The following THEMIS variants were observed in gnomAD, a reference collection of about 807,000 sequenced individuals.
THEMIS encodes thymocyte selection associated, also known as protein THEMIS.
Under a neutral mutation model 52.6 loss-of-function variants are expected in THEMIS, and 37 were observed. That is an observed-to-expected ratio of 0.70 (90% CI 0.54 to 0.93). The LOEUF is 0.93. THEMIS is among the 40% of genes least tolerant of loss of function. The probability of loss-of-function intolerance (pLI) is 0.00; values close to 1 mark genes in which losing one functional copy is unlikely to be tolerated. For missense variants in THEMIS, 808 were observed against 763.1 expected (o/e 1.06, Z -0.69); for synonymous variants, 292 against 272.7 (o/e 1.07, Z -0.70).
At chr6:127,891,538 C>CAAAAAAAAAAAAAAAAA (rs67886431) in intron 1 of THEMIS, among the ~76,000 whole-genome samples, 11 of 96,828 alleles carry the variant, frequency 1.1e-4, no homozygotes, top group Admixed American at 1.2e-4. Flanking sequence ...TCCAGCTCAA[C>CAAAAAAAAAAAAAAAAA]AAAAAAAAAA....
the THEMIS span, among the ~76,000 whole-genome samples, chr6:127,698,109 A>T: frequency 6.6e-6 from 1 of 152,198 alleles, no homozygotes; most frequent in Non-Finnish European, 1.5e-5. Flanking sequence ...GAGAAAATTT[A>T]AAAATAGCCA....
intron 1 of THEMIS, among the ~76,000 whole-genome samples, chr6:127,911,680 C>A (rs573583859): frequency 6.6e-6 from 1 of 151,430 alleles, no homozygotes; most frequent in Non-Finnish European, 1.5e-5. Context: ...TTATTTCTAT[C>A]CTTCCACTCC....
intron 2 of THEMIS, among the ~76,000 whole-genome samples, chr6:127,832,777 CTTTTT>C (rs11355741): frequency 6.9e-5 from 4 of 57,802 alleles, no homozygotes; most frequent in East Asian, 6.2e-4. Flanking sequence ...ATTGTCAGAT[CTTTTT>C]TTTTTTTTTT....
intron 4 of THEMIS, among the ~76,000 whole-genome samples, chr6:127,750,856 A>G (rs896378893): frequency 6.6e-5 from 10 of 151,926 alleles, no homozygotes; most frequent in South Asian, 2.1e-4. Context: ...ATTGTCAGCC[A>G]AGAATATTTC....
chr6:127,803,070 AAAT>A (rs766855545), intron 4 of THEMIS, among the ~76,000 whole-genome samples: 1 of 152,182 alleles, frequency 6.6e-6, no homozygotes, highest in Non-Finnish European at 1.5e-5. Flanking sequence ...CCATATGCTA[AAAT>A]TCTCTTGAAT....
intron 1 of THEMIS, among the ~76,000 whole-genome samples, chr6:127,897,745 A>T (rs1271348609): frequency 6.6e-6 from 1 of 151,590 alleles, no homozygotes; most frequent in African/African-American, 2.4e-5. Context: ...TCCAAGGGTG[A>T]ATGTACACAC....
At chr6:127,885,720 AG>A (rs2081595161) in intron 1 of THEMIS, among the ~76,000 whole-genome samples, 1 of 151,700 alleles carries the variant, frequency 6.6e-6, no homozygotes, top group South Asian at 2.1e-4. Context: ...ACTCTGAAGA[AG>A]GGAATGACAA....
intron 4 of THEMIS, among the ~76,000 whole-genome samples, chr6:127,789,012 C>G (rs1003981592): frequency 6.6e-6 from 1 of 151,916 alleles, no homozygotes; most frequent in Non-Finnish European, 1.5e-5. Context: ...TAGCATAAGA[C>G]AAGAAATAAC....
chr6:127,818,311 A>G (rs1260417663), intron 3 of THEMIS, among the ~76,000 whole-genome samples: 3 of 152,168 alleles, frequency 2.0e-5, no homozygotes, highest in Non-Finnish European at 4.4e-5. Flanking sequence ...TCCCCCCTCC[A>G]TAACATACGA....
At chr6:127,833,652 G>A (rs1381125599) in intron 2 of THEMIS, among the ~76,000 whole-genome samples, 1 of 152,148 alleles carries the variant, frequency 6.6e-6, no homozygotes, top group African/African-American at 2.4e-5. Context: ...GCCATGGTGT[G>A]AGAAGAACAA....
At chr6:127,851,150 G>C (rs763562528) in intron 2 of THEMIS, among the ~76,000 whole-genome samples, 5 of 151,272 alleles carry the variant, frequency 3.3e-5, no homozygotes, top group African/African-American at 9.7e-5. Context: ...AAACACCTAT[G>C]GGTCACCTTA....
At chr6:127,790,780 A>G (rs1777130196) in intron 4 of THEMIS, among the ~76,000 whole-genome samples, 1 of 152,190 alleles carries the variant, frequency 6.6e-6, no homozygotes, top group African/African-American at 2.4e-5. Flanking sequence ...GTGAATGAGC[A>G]AGCATGGGGT....
intron 4 of THEMIS, among the ~76,000 whole-genome samples, chr6:127,761,345 G>A (rs776212923): frequency 6.6e-6 from 1 of 152,096 alleles, no homozygotes; most frequent in Non-Finnish European, 1.5e-5. Flanking sequence ...TCTCACTCAA[G>A]CTATAGCTGA....
chr6:127,743,888 C>T (rs1477223117), intron 4 of THEMIS, among the ~76,000 whole-genome samples: 2 of 152,008 alleles, frequency 1.3e-5, no homozygotes, highest in African/African-American at 4.8e-5. Context: ...TAAAGTGCGA[C>T]TCACTAATTT....
chr6:127,728,232 CCTCTGTG>C (rs1774622011), intron 4 of THEMIS, among the ~76,000 whole-genome samples: 1 of 152,166 alleles, frequency 6.6e-6, no homozygotes, highest in East Asian at 1.9e-4. Context: ...CTAACACTCT[CCTCTGTG>C]CTCTCACTTG....
At chr6:127,841,497 A>C (rs1779046235) in intron 2 of THEMIS, among the ~76,000 whole-genome samples, 1 of 152,074 alleles carries the variant, frequency 6.6e-6, no homozygotes. Flanking sequence ...TAAAACATTA[A>C]TACCAAGAAA....
chr6:127,820,092 C>T (rs1438853890), intron 3 of THEMIS, among the ~76,000 whole-genome samples: 4 of 151,866 alleles, frequency 2.6e-5, no homozygotes, highest in African/African-American at 7.3e-5. Context: ...TGAAAGTGAC[C>T]TATATTAGTT....
At chr6:127,901,131 A>G (rs1781123457), upstream of THEMIS, 2 of 586,550 alleles carry the variant, frequency 3.4e-6, no homozygotes, top group East Asian at 5.6e-5. Flanking sequence ...GAGACAAAAA[A>G]TGTTATAGCT....
intron 4 of THEMIS, among the ~76,000 whole-genome samples, chr6:127,799,965 A>G (rs1284523761): frequency 1.3e-5 from 2 of 152,240 alleles, no homozygotes; most frequent in African/African-American, 4.8e-5. Flanking sequence ...AGCATCAATT[A>G]GCCATGGCTT....
Sources: gnomAD v4.1 joint callset for allele counts (sites outside exome capture counted in the v4.1 genomes callset) on GRCh38, gnomAD v4.1.1 for gene constraint, MANE v1.5 for transcripts, NCBI Gene and HGNC (gene_info 2026-07-23, HGNC 2026-07-21) for gene names.